Variants in CYP4A11 observed in about 807,000 individuals in gnomAD.
CYP4A11 encodes cytochrome P450 4A11.
CYP4A11 carries 52 observed loss-of-function variants against 57.7 expected under a neutral mutation model. The observed-to-expected ratio is 0.90, with a 90% CI of 0.72 to 1.14. The LOEUF (loss-of-function observed/expected upper bound fraction) is 1.14, where lower values mean the gene tolerates loss of function less well. Among genes scored for constraint, CYP4A11 ranks in the 50% most tolerant of loss-of-function variants. The pLI is 0.00. For missense variants in CYP4A11, 641 were observed against 642.1 expected (o/e 1.00, Z 0.02); for synonymous variants, 228 against 247.1 (o/e 0.92, Z 0.72).
chr1:46,933,376 G>A (rs1470924535), intron 9 of CYP4A11, among the ~76,000 whole-genome samples: 1 of 152,140 alleles, frequency 6.6e-6, no homozygotes, highest in African/African-American at 2.4e-5. Flanking sequence ...GTACAACAAC[G>A]CTCCAAGTAA....
intron 4 of CYP4A11, among the ~76,000 whole-genome samples, chr1:46,936,011 A>G (rs1165231801): frequency 6.6e-6 from 1 of 152,224 alleles, no homozygotes; most frequent in Non-Finnish European, 1.5e-5. Context: ...GAGCTGAGCT[A>G]GTTCTGAGGG....
Position 46,936,654 on chromosome 1 carries a change from A to T in CYP4A11, c.510+10T>A, listed in dbSNP as rs754274400. Reference sequence around the variant, plus strand: ...GTGGGTGTGGGGAGAGGAGAGAGACATGGACTCACCAGCATCACTCGTACA... The same window carrying T: ...GTGGGTGTGGGGAGAGGAGAGAGACTTGGACTCACCAGCATCACTCGTACA... On this transcript the variant is annotated intron_variant, in intron 4 of 11. Coordinates refer to ENST00000310638, the MANE Select transcript of CYP4A11 (RefSeq NM_000778.4). 6.3e-7 allele frequency: 1 copy of T among 1,588,276 alleles called. No homozygotes were observed. The highest frequency in any genetic ancestry group is 8.6e-7 in the Non-Finnish European group (1 of 1,166,520).
intron 4 of CYP4A11, 90 bp downstream of exon 4, chr1:46,936,574 G>A: frequency 1.3e-6 from 2 of 1,485,734 alleles, no homozygotes; most frequent in Middle Eastern, 2.4e-4. Context: ...CTATGTCTAT[G>A]TCTGCCTGTG....
chr1:46,938,063 T>A lies in CYP4A11; in HGVS notation c.270A>T (p.Leu90=), dbSNP rs145436997. The A allele has an allele frequency of 6.2e-7, 1 of 1,614,062 alleles. No homozygotes were observed. The highest frequency in any genetic ancestry group is 1.3e-5 in the African/African-American group (1 of 74,924). The part of the protein sequence containing the change: ...ETFPSACPHW[L]WGGKVRVQLY... Reference sequence around the variant, plus strand: ...GCTGGACACGAACTTTGCCTCCCCATAGCCAATGAGGACAGGCACTTGGGA... The same window carrying A: ...GCTGGACACGAACTTTGCCTCCCCAAAGCCAATGAGGACAGGCACTTGGGA... Residue 90 remains leucine (L), a synonymous_variant, in exon 2 of 12, where the codon CTA becomes CTT. Coordinates refer to ENST00000310638, the MANE Select transcript of CYP4A11 (RefSeq NM_000778.4).
At chr1:46,937,630 A>G (rs539122208) in intron 2 of CYP4A11, among the ~76,000 whole-genome samples, 5 of 152,342 alleles carry the variant, frequency 3.3e-5, no homozygotes, top group Non-Finnish European at 7.4e-5. Flanking sequence ...GGGTTTTTCT[A>G]CATTGATGAT....
chr1:46,934,676 T>C, intron 6 of CYP4A11, 117 bp from the exon 7 acceptor site: 13 of 1,081,896 alleles, frequency 1.2e-5, no homozygotes, highest in Non-Finnish European at 1.7e-5. Flanking sequence ...AATGTGAGTG[T>C]GGGTGCAGGG....
At chr1:46,937,496 G>C in intron 2 of CYP4A11, 150 bp from the exon 3 acceptor site, 1 of 792,696 alleles carries the variant, frequency 1.3e-6, no homozygotes, top group Middle Eastern at 2.3e-4. Context: ...CTGTCCTGAA[G>C]GTCAGTGTGG....
intron 11 of CYP4A11, chr1:46,931,891 T>G: frequency 1.0e-6 from 1 of 968,736 alleles, no homozygotes; most frequent in Non-Finnish European, 1.2e-6. Context: ...GCAACCATTC[T>G]GGAGTTTTCC....
chr1:46,931,882 C>T, intron 11 of CYP4A11: 1 of 959,298 alleles, frequency 1.0e-6, no homozygotes, highest in Non-Finnish European at 1.2e-6. Flanking sequence ...ATCTCCACCG[C>T]AACCATTCTG....
intron 11 of CYP4A11, 91 bp from the exon 12 acceptor site, chr1:46,930,401 G>A (rs1192831440): frequency 1.5e-5 from 22 of 1,435,002 alleles, no homozygotes; most frequent in Non-Finnish European, 1.8e-5. Context: ...GCCCTGAGCT[G>A]GACATTCAGT....
intron 1 of CYP4A11, among the ~76,000 whole-genome samples, chr1:46,939,184 C>A (rs1419482308): frequency 1.3e-5 from 2 of 152,262 alleles, no homozygotes; most frequent in African/African-American, 2.4e-5. Flanking sequence ...CTGTCTACCA[C>A]ATAGGTATCG....
At chr1:46,934,802 T>C (rs990512522) in intron 6 of CYP4A11, among the ~76,000 whole-genome samples, 198 bp downstream of exon 6, 1 of 152,220 alleles carries the variant, frequency 6.6e-6, no homozygotes, top group African/African-American at 2.4e-5. Context: ...GTTATCTCCA[T>C]GTGGGGACAT....
At chr1:46,933,123 A>C in intron 9 of CYP4A11, 76 bp from the exon 10 acceptor site, 1 of 1,583,846 alleles carries the variant, frequency 6.3e-7, no homozygotes, top group Non-Finnish European at 8.6e-7. Context: ...CAGCAGGCAC[A>C]AAAGAAGGCC....
chr1:46,932,110 A>G (rs1439393631), intron 11 of CYP4A11: 24 of 979,660 alleles, frequency 2.4e-5, no homozygotes, highest in Non-Finnish European at 2.8e-5. Flanking sequence ...GTCAAACGGG[A>G]AAATAGATGT....
chr1:46,939,140 C>G (rs1466268502), intron 1 of CYP4A11, among the ~76,000 whole-genome samples: 1 of 152,224 alleles, frequency 6.6e-6, no homozygotes, highest in Admixed American at 6.5e-5. Flanking sequence ...GCCAACTCTT[C>G]TTTATTTCAA....
At chr1:46,941,093 A>G in intron 1 of CYP4A11, 146 bp downstream of exon 1, 3 of 1,413,008 alleles carry the variant, frequency 2.1e-6, no homozygotes, top group Non-Finnish European at 2.8e-6. Context: ...GACTGGGAAA[A>G]GCTGAGACCA....
In CYP4A11 at chr1:46,937,286, T is replaced by C. The variant is rs1681468871; in HGVS notation, c.382+16A>G. ...CTGACTAGGGAGTGGGCTGCAGTCC[T>C]AGTTTGCACACATACCAATCCATGG... On this transcript the variant is annotated intron_variant, in intron 3 of 11. Transcript: ENST00000310638. 1 of 1,613,770 alleles carries C rather than the reference T, an allele frequency of 6.2e-7. No individual in the cohort carries two copies. The highest frequency in any genetic ancestry group is 2.2e-5 in the East Asian group (1 of 44,882).
Position 46,941,389 on chromosome 1 carries a change from G to A in CYP4A11, c.45C>T (p.Val15=). The A allele has an allele frequency of 2.5e-6, 4 of 1,614,188 alleles. No individual in the cohort carries two copies. Among genetic ancestry groups the A allele is most frequent in the Non-Finnish European group, 3.4e-6 (4 of 1,180,030 alleles). ...VLSPSRLLGD[V]SGILQAASLL... is the part of the protein sequence containing the mutation. The stretch of plus-strand genomic sequence containing the variant: ...GGGAGGCCGCTTGGAGGATTCCAGA[G>A]ACATCACCCAGGAGTCTGCTGGGGC... Residue 15 remains valine (V), a synonymous_variant, in exon 1 of 12, where the codon GTC becomes GTT. Coordinates refer to ENST00000310638, the MANE Select transcript of CYP4A11 (RefSeq NM_000778.4).
At position 46,933,181 on chromosome 1, in the gene CYP4A11, G is replaced by A. The variant is rs538495265; in HGVS notation, c.1223-134C>T. ...TTTTCACTTTGACTGGGATGATTCT[G>A]CCATTATGCAGGTGGGTTAGGCTTA... On this transcript the variant is annotated intron_variant, in intron 9 of 11. Coordinates refer to ENST00000310638, the MANE Select transcript of CYP4A11 (RefSeq NM_000778.4). 8.3e-6 allele frequency: 11 copies of A among 1,318,928 alleles called. No homozygotes were observed. The African/African-American group carries it at 1.3e-4, about 16-fold the overall frequency. 81.7% of individuals were successfully genotyped at this position (1,318,928 alleles called of 1,614,324 possible). A position where few individuals can be genotyped will look rare whatever the true frequency, so the allele number is the denominator to read the frequency against.
Sources: allele counts gnomAD v4.1 joint callset (sites outside exome capture counted in the v4.1 genomes callset), GRCh38; gene constraint gnomAD v4.1.1; transcripts MANE v1.5; gene names NCBI Gene and HGNC (gene_info 2026-07-23, HGNC 2026-07-21).